EYS: variants seen among roughly 807,000 people sequenced by gnomAD.
EYS encodes protein eyes shut homolog.
EYS carries 250 observed loss-of-function variants against 282.1 expected under a neutral mutation model. That is an observed-to-expected ratio of 0.89 (90% CI 0.80 to 0.98). EYS has a LOEUF of 0.98. Ranked by LOEUF, EYS falls within the 50% of genes least tolerant of loss-of-function variation. The pLI, the probability that EYS is intolerant of heterozygous loss-of-function variation, is 0.00. For missense variants in EYS, 4,016 were observed against 3,709.0 expected, an observed-to-expected ratio of 1.08 and a Z score of -2.15; for synonymous variants, 1,355 against 1,282.9, an observed-to-expected ratio of 1.06 and a Z score of -1.20.
intron 12 of EYS, among the ~76,000 whole-genome samples, chr6:65,216,421 G>A (rs1304268796): frequency 1.3e-5 from 2 of 151,890 alleles, no homozygotes; most frequent in Non-Finnish European, 2.9e-5. Flanking sequence ...GCTATAAAAT[G>A]ATACAAATTG....
chr6:65,118,029 G>A (rs569081249), intron 12 of EYS, among the ~76,000 whole-genome samples: 9 of 152,302 alleles, frequency 5.9e-5, no homozygotes, highest in Admixed American at 5.2e-4. Flanking sequence ...ATAGTACGAG[G>A]AAGAATGGGG....
At chr6:64,978,651 C>A (rs901784471) in intron 14 of EYS, among the ~76,000 whole-genome samples, 19 of 151,938 alleles carry the variant, frequency 1.3e-4, no homozygotes, top group Admixed American at 2.6e-4. Flanking sequence ...AAATAAAAAT[C>A]CTTCTGGAAA....
chr6:63,872,367 T>C (rs2149713214), intron 35 of EYS, among the ~76,000 whole-genome samples: 1 of 151,952 alleles, frequency 6.6e-6, no homozygotes, highest in East Asian at 1.9e-4. Flanking sequence ...TGTGCATGTG[T>C]GTGTGTATGT....
At chr6:65,150,533 T>C (rs1764588294) in intron 12 of EYS, among the ~76,000 whole-genome samples, 1 of 152,018 alleles carries the variant, frequency 6.6e-6, no homozygotes, top group Non-Finnish European at 1.5e-5. Flanking sequence ...TTTTCTATTA[T>C]GTCTTTCCTT....
chr6:64,929,156 A>G (rs966982311), intron 15 of EYS, among the ~76,000 whole-genome samples: 1 of 152,092 alleles, frequency 6.6e-6, no homozygotes, highest in Non-Finnish European at 1.5e-5. Context: ...CTGTCTTTTA[A>G]AAAGGGGGGA....
At chr6:65,654,978 T>TA (rs36088825) in intron 1 of EYS, among the ~76,000 whole-genome samples, 18,998 of 99,646 alleles carry the variant, frequency 0.19, 1,878 homozygotes, top group African/African-American at 0.25. Flanking sequence ...GGTCATTCAT[T>TA]AAAAAAAAAA....
intron 11 of EYS, chr6:65,329,856 A>T: frequency 2.0e-6 from 2 of 982,000 alleles, no homozygotes; most frequent in Non-Finnish European, 2.4e-6. Context: ...CTACAGAAAT[A>T]GTTTTTGAAA....
At chr6:64,866,862 C>G (rs889015930) in intron 19 of EYS, among the ~76,000 whole-genome samples, 1 of 151,528 alleles carries the variant, frequency 6.6e-6, no homozygotes. Context: ...AGTGATGAAA[C>G]AGGAGATTTA....
chr6:65,512,154 C>T (rs1766903125), intron 2 of EYS, among the ~76,000 whole-genome samples: 1 of 152,058 alleles, frequency 6.6e-6, no homozygotes, highest in South Asian at 2.1e-4. Context: ...TTAGACATTA[C>T]TACCTGCAGT....
intron 35 of EYS, among the ~76,000 whole-genome samples, chr6:63,871,576 C>T (rs1236660463): frequency 6.6e-6 from 1 of 152,038 alleles, no homozygotes; most frequent in Non-Finnish European, 1.5e-5. Context: ...GTGGGAGAAT[C>T]ACTGGAACCC....
intron 37 of EYS, among the ~76,000 whole-genome samples, chr6:63,798,963 G>GTA (rs1231377496): frequency 7.5e-4 from 83 of 110,872 alleles, no homozygotes; most frequent in Middle Eastern, 0.01. Flanking sequence ...ATGTATATGT[G>GTA]TATATATATA....
chr6:65,409,526 G>T (rs1766890740), intron 5 of EYS, among the ~76,000 whole-genome samples: 1 of 152,090 alleles, frequency 6.6e-6, no homozygotes, highest in South Asian at 2.1e-4. Context: ...CTTGAGTAAG[G>T]CTTTGGACAA....
chr6:64,902,047 G>T, intron 18 of EYS, 66 bp downstream of exon 18: 1 of 1,012,074 alleles, frequency 9.9e-7, no homozygotes, highest in Non-Finnish European at 1.4e-6. Flanking sequence ...ATGAGCACAT[G>T]TGTGCTCACT....
At chr6:64,130,385 A>G (rs1336241908) in intron 31 of EYS, among the ~76,000 whole-genome samples, 1 of 152,184 alleles carries the variant, frequency 6.6e-6, no homozygotes, top group African/African-American at 2.4e-5. Flanking sequence ...CAAGGACAAA[A>G]AACCAAATGC....
intron 5 of EYS, among the ~76,000 whole-genome samples, chr6:65,477,451 C>A (rs970351986): frequency 1.6e-4 from 24 of 152,110 alleles, no homozygotes; most frequent in Middle Eastern, 3.2e-3. Context: ...AAACGTCAGT[C>A]ATTTTTCAGG....
At chr6:63,730,409 A>C (rs1241716349) in intron 41 of EYS, among the ~76,000 whole-genome samples, 2 of 152,216 alleles carry the variant, frequency 1.3e-5, no homozygotes, top group Admixed American at 6.5e-5. Context: ...AATAAAATGC[A>C]GATTCTTTAC....
chr6:65,349,077 G>A (rs750801962), intron 9 of EYS, among the ~76,000 whole-genome samples: 1 of 151,398 alleles, frequency 6.6e-6, no homozygotes, highest in Non-Finnish European at 1.5e-5. Flanking sequence ...CTATCCAGTT[G>A]TTCCATGTTA....
rs547465425 is a variant in EYS at position 64,450,441 on chromosome 6, C to T, written c.5645-11089G>A. Among the ~76,000 whole-genome samples the T allele has an allele frequency of 9.9e-5, 15 of 152,246 alleles. No homozygotes were observed. The East Asian group carries it at 2.7e-3, about 27-fold the overall frequency. On this transcript the variant is annotated intron_variant, in intron 26 of 42. Transcript: ENST00000503581. ...TTAACACCCCACTGTCAACATTAGA[C>T]AGATCAACGAGACAGAAAGTTGATG...
chr6:63,935,626 G>A (rs74995059), intron 35 of EYS, among the ~76,000 whole-genome samples: 1 of 152,188 alleles, frequency 6.6e-6, no homozygotes, highest in Admixed American at 6.5e-5. Context: ...AAAGACCACA[G>A]TGAGAAGGTC....
Sources: allele counts gnomAD v4.1 joint callset (sites outside exome capture counted in the v4.1 genomes callset), GRCh38; gene constraint gnomAD v4.1.1; transcripts MANE v1.5; gene names NCBI Gene and HGNC (gene_info 2026-07-23, HGNC 2026-07-21).